Variants in NEB observed in about 807,000 individuals in gnomAD.
NEB encodes the protein nemaline myopathy type 2.
Under a neutral mutation model 952.2 loss-of-function variants are expected in NEB, and 512 were observed. The ratio of observed to expected loss-of-function variants is 0.54; its 90% CI spans 0.50 to 0.58. NEB has a LOEUF of 0.58. NEB is among the 20% of genes least tolerant of loss of function. NEB has a pLI of 0.00. For synonymous variants in NEB, 2,900 were observed against 3,149.8 expected, an observed-to-expected ratio of 0.92 and a Z score of 2.66; for missense variants, 8,428 against 9,231.1, an observed-to-expected ratio of 0.91 and a Z score of 3.56.
In NEB at chr2:151,709,648, C is replaced by T. The variant is rs755517435; in HGVS notation, c.1035+8G>A. The T allele has an allele frequency of 2.5e-5, 39 of 1,572,034 alleles. No individual in the cohort carries two copies. The highest frequency in any genetic ancestry group is 3.2e-5 in the Non-Finnish European group (37 of 1,153,990). On this transcript the variant is annotated splice_region_variant and intron_variant, in intron 12 of 181. Transcript: ENST00000397345. ...ACCATCAAGATAAATGGGATGATTT[C>T]CTCATACCTTGCTAGCTGCCACACC... is the stretch of plus-strand genomic sequence containing the variant.
At chr2:151,644,727 C>T (rs2098931677) in intron 55 of NEB, among the ~76,000 whole-genome samples, 152 bp from the exon 56 acceptor site, 1 of 152,214 alleles carries the variant, frequency 6.6e-6, no homozygotes, top group Admixed American at 6.5e-5. Flanking sequence ...CCATTGATTG[C>T]TAATGATCCT....
intron 65 of NEB, among the ~76,000 whole-genome samples, chr2:151,632,996 A>T (rs1258035583): frequency 6.6e-6 from 1 of 152,222 alleles, no homozygotes; most frequent in Non-Finnish European, 1.5e-5. Flanking sequence ...GTAAGTTTTT[A>T]GGAACAACCA....
At position 151,618,451 on chromosome 2, in the gene NEB, T is replaced by A. The variant is rs1279423872; in HGVS notation, c.10900A>T (p.Met3634Leu). The A allele has an allele frequency of 6.2e-7, 1 of 1,613,752 alleles. No individual in the cohort carries two copies. The highest frequency in any genetic ancestry group is 8.5e-7 in the Non-Finnish European group (1 of 1,179,838). Reference sequence around the variant, plus strand: ...ATCGGAACCCAGCCAATGCCTTTCATCCATTCAAGGTCTGACTTATACAAA... The same window carrying A: ...ATCGGAACCCAGCCAATGCCTTTCAACCATTCAAGGTCTGACTTATACAAA... The part of the protein sequence containing the change: ...DNLYKSDLEW[M>L]KGIGWVPIDS... Residue 3634 changes from methionine to leucine, a missense_variant, in exon 74 of 182, where the codon ATG (methionine) becomes TTG (leucine). Around this residue, in one of 11 missense-constraint regions of NEB, gnomAD observed 1,772 missense variants for 1,960.3 expected, o/e 0.90. Transcript: ENST00000397345.
At chr2:151,516,325 T>G in intron 157 of NEB, 134 bp downstream of exon 157, 1 of 593,238 alleles carries the variant, frequency 1.7e-6, no homozygotes, top group Non-Finnish European at 3.0e-6. Context: ...ATGGAGAAGA[T>G]TTTAGTGATC....
chr2:151,688,415 T>G lies in NEB; in HGVS notation c.2311-19A>C. 1 of 1,590,184 alleles carries G rather than the reference T, an allele frequency of 6.3e-7. No homozygotes were observed. Among genetic ancestry groups the G allele is most frequent in the Non-Finnish European group, 8.6e-7 (1 of 1,158,994 alleles). On this transcript the variant is annotated intron_variant, in intron 24 of 181. Coordinates refer to ENST00000397345, the MANE Select transcript of NEB (RefSeq NM_001164508.2). Reference sequence around the variant, plus strand: ...AATTCAGCTGAAAAACAAAGGATATTTGAACGGTTCAGGGGAACTTCTTTG... The same window carrying G: ...AATTCAGCTGAAAAACAAAGGATATGTGAACGGTTCAGGGGAACTTCTTTG...
intron 88 of NEB, among the ~76,000 whole-genome samples, chr2:151,601,139 G>C (rs1433663017): frequency 4.4e-5 from 5 of 113,890 alleles, no homozygotes; most frequent in Admixed American, 3.7e-4. Flanking sequence ...ACAGAGTCTC[G>C]CTCTGCTCCC....
chr2:151,501,649 T>C (rs1263130409), intron 167 of NEB, among the ~76,000 whole-genome samples, 166 bp from the exon 168 acceptor site: 3 of 152,190 alleles, frequency 2.0e-5, no homozygotes, highest in African/African-American at 4.8e-5. Context: ...TTTGGACATT[T>C]AGTCACACAC....
chr2:151,683,084 CA>C (rs2099437708), intron 28 of NEB, among the ~76,000 whole-genome samples: 1 of 152,100 alleles, frequency 6.6e-6, no homozygotes, highest in African/African-American at 2.4e-5. Context: ...GTCAGTTAAC[CA>C]AATGTGAGAC....
intron 102 of NEB, 43 bp from the exon 103 acceptor site, chr2:151,581,630 A>G (rs1353050578): frequency 1.6e-5 from 22 of 1,337,146 alleles, no homozygotes; most frequent in Non-Finnish European, 2.2e-5. Flanking sequence ...TTAGTAAATA[A>G]GTCAATTACC....
At chr2:151,630,234 A>G (rs1324211844) in intron 67 of NEB, among the ~76,000 whole-genome samples, 1 of 152,214 alleles carries the variant, frequency 6.6e-6, no homozygotes, top group South Asian at 2.1e-4. Flanking sequence ...TTACTTTTAA[A>G]AAAGTCAGTA....
Position 151,485,740 on chromosome 2 carries a change from A to G in NEB, c.*20T>C. 6.3e-7 allele frequency: 1 copy of G among 1,590,874 alleles called. No homozygotes were observed. The highest frequency in any genetic ancestry group is 1.7e-5 in the Admixed American group (1 of 59,092). On this transcript the variant is annotated 3_prime_UTR_variant, in exon 182 of 182. Coordinates refer to ENST00000397345, the MANE Select transcript of NEB (RefSeq NM_001164508.2). ...GCAGGATCTGTAAGTCCTGCAGACA[A>G]GTGTGATGCTTTGAAATGCCTAAAT... is the stretch of plus-strand genomic sequence containing the variant.
chr2:151,502,691 C>CATTA (rs2065642560), intron 167 of NEB, 102 bp downstream of exon 167: 1 of 720,044 alleles, frequency 1.4e-6, no homozygotes, highest in South Asian at 1.7e-5. Flanking sequence ...TATTTGGTAT[C>CATTA]ATTATTTTCA....
chr2:151,501,119 T>C (rs1359020893), intron 168 of NEB, among the ~76,000 whole-genome samples: 1 of 152,112 alleles, frequency 6.6e-6, no homozygotes, highest in African/African-American at 2.4e-5. Flanking sequence ...TGGTTTTTCT[T>C]TTCTGGAAAT....
Position 151,692,354 on chromosome 2 carries a change from G to A in NEB, c.1905C>T (p.Tyr635=). 1.2e-6 allele frequency: 2 copies of A among 1,601,278 alleles called. No homozygotes were observed. Among genetic ancestry groups the A allele is most frequent in the Non-Finnish European group, 1.7e-6 (2 of 1,170,128 alleles). ...KVAKNQSDRL[Y]KENYEKTKAK... is the part of the protein sequence containing the mutation. ...CCTTTGTCTTCTCATAGTTTTCCTT[G>A]TATAATCTCTGTTAAAGGAAAAATA... is the stretch of plus-strand genomic sequence containing the variant. The change falls in exon 21 of 182, where the codon TAC becomes TAT. Residue 635 remains tyrosine, a synonymous_variant. Coordinates refer to ENST00000397345, the MANE Select transcript of NEB (RefSeq NM_001164508.2).
rs1383021043 is a variant in NEB at position 151,617,459 on chromosome 2, T to C, written c.11086A>G (p.Thr3696Ala). ...NALNMNKRLY[T>A]EAWDNDKKTI... The stretch of plus-strand genomic sequence containing the variant: ...TTCTTGTCATTGTCCCAGGCTTCAG[T>C]ATATAAGCGCTACAAAAAAAAAAAA... The change falls in exon 75 of 182, where the codon ACT becomes GCT. Residue 3696 changes from threonine (T) to alanine (A), a missense_variant. Physicochemically the swap from Thr to Ala is moderately conservative, Grantham distance 58. Around this residue, in one of 11 missense-constraint regions of NEB, gnomAD observed 1,772 missense variants for 1,960.3 expected, o/e 0.90. Transcript: ENST00000397345. 4 of 1,490,924 alleles carry C rather than the reference T, an allele frequency of 2.7e-6. No individual in the cohort carries two copies. The Admixed American group carries it at 7.0e-5, about 26-fold the overall frequency. The allele number at this position is 1,490,924 out of a possible 1,614,324, so 92.4% of individuals were successfully genotyped here. A position where few individuals can be genotyped will look rare whatever the true frequency, so the allele number is the denominator to read the frequency against.
rs370252074 is a variant in NEB, at chr2:151,679,962, G to A, written c.3103C>T (p.Pro1035Ser). Residue 1035 changes from proline to serine, a missense_variant, in exon 31 of 182, where the codon CCC (proline) becomes TCC (serine). Transcript: ENST00000397345. Reference protein sequence around the residue: ...IHKYNLPPDLPQFIQAKVNAY... With the variant: ...IHKYNLPPDLSQFIQAKVNAY... Reference sequence around the variant, plus strand: ...TTAACTTTAGCCTGGATGAACTGGGGCAGGTCTGGTGGCAGGTTGTATTTG... The same window carrying A: ...TTAACTTTAGCCTGGATGAACTGGGACAGGTCTGGTGGCAGGTTGTATTTG... 5.6e-6 allele frequency: 9 copies of A among 1,613,736 alleles called. No homozygotes were observed. Among genetic ancestry groups the A allele is most frequent in the Non-Finnish European group, 7.6e-6 (9 of 1,179,722 alleles).
At position 151,630,719 on chromosome 2, in the gene NEB, C is replaced by G. The variant is rs1390984562; in HGVS notation, c.9719G>C (p.Ser3240Thr). Residue 3240 changes from serine (S) to threonine (T), a missense_variant, in exon 67 of 182, where the codon AGT becomes ACT. By Grantham distance (58) the Ser-to-Thr change is moderately conservative. Transcript: ENST00000397345. ...MLARQNKINY[S>T]ETLYKLANEE... ...ACCACAGATTTTTGCTCCTACCTCA[C>G]TGTAGTTGATTTTGTTCTGCCTTGC... 2.5e-6 allele frequency: 4 copies of G among 1,603,592 alleles called. No individual in the cohort carries two copies. Among genetic ancestry groups the G allele is most frequent in the East Asian group, 2.2e-5 (1 of 44,700 alleles).
chr2:151,708,819 C>G (rs1273425754), intron 12 of NEB, among the ~76,000 whole-genome samples: 3 of 152,188 alleles, frequency 2.0e-5, no homozygotes, highest in African/African-American at 7.2e-5. Flanking sequence ...TAAAGGGAAA[C>G]CCCATTCATC....
intron 161 of NEB, among the ~76,000 whole-genome samples, chr2:151,509,945 G>C (rs188298520): frequency 6.6e-6 from 1 of 152,316 alleles, no homozygotes; most frequent in Non-Finnish European, 1.5e-5. Context: ...CCGGGAGAAG[G>C]CCTGGAAATT....
Sources: gnomAD v4.1 joint callset for allele counts (sites outside exome capture counted in the v4.1 genomes callset) on GRCh38, gnomAD v4.1.1 for gene constraint, gnomAD v4.1.1 regional missense constraint, MANE v1.5 for transcripts, NCBI Gene and HGNC (gene_info 2026-07-23, HGNC 2026-07-21) for gene names.